PUM2: variants seen among roughly 807,000 people sequenced by gnomAD.
PUM2 encodes the protein pumilio RNA binding family member 2.
Under a neutral mutation model 124.5 loss-of-function variants are expected in PUM2, and 57 were observed. That is an observed-to-expected ratio of 0.46 (90% confidence interval 0.37 to 0.57). The LOEUF (loss-of-function observed/expected upper bound fraction) is 0.57. PUM2 is among the 20% of genes least tolerant of loss of function. PUM2 has a pLI of 0.00. For missense variants in PUM2, 1,065 were observed against 1,290.6 expected (o/e 0.83, Z 2.68); for synonymous variants, 460 against 446.1 (o/e 1.03, Z -0.39).
At chr2:20,274,016 A>G (rs1365748672) in intron 13 of PUM2, among the ~76,000 whole-genome samples, 1 of 152,174 alleles carries the variant, frequency 6.6e-6, no homozygotes, top group East Asian at 1.9e-4. Flanking sequence ...TTCAGTTCCT[A>G]TAGAATAGCA....
At chr2:20,320,281 A>G (rs1303170255) in intron 2 of PUM2, among the ~76,000 whole-genome samples, 1 of 152,154 alleles carries the variant, frequency 6.6e-6, no homozygotes, top group Non-Finnish European at 1.5e-5. Flanking sequence ...AAAAGAGGGT[A>G]CTAGCAGAGA....
chr2:20,329,294 C>T (rs1050177074), intron 1 of PUM2, among the ~76,000 whole-genome samples: 3 of 150,642 alleles, frequency 2.0e-5, no homozygotes, highest in Admixed American at 6.6e-5. Context: ...TAGCCTGTTT[C>T]GGTAGGGCAT....
intron 14 of PUM2, among the ~76,000 whole-genome samples, chr2:20,260,883 A>G (rs1167643662): frequency 6.6e-6 from 1 of 152,172 alleles, no homozygotes; most frequent in East Asian, 1.9e-4. Flanking sequence ...TCTGGGTGAC[A>G]CAAGGCTCAT....
At chr2:20,338,700 C>A (rs1038230061) in intron 1 of PUM2, among the ~76,000 whole-genome samples, 1 of 152,020 alleles carries the variant, frequency 6.6e-6, no homozygotes, top group East Asian at 1.9e-4. Context: ...TGAGGGAAGT[C>A]AAAGGAATAC....
chr2:20,316,484 A>G (rs984266788), intron 3 of PUM2, among the ~76,000 whole-genome samples: 2 of 151,916 alleles, frequency 1.3e-5, no homozygotes, highest in African/African-American at 4.8e-5. Flanking sequence ...GAGCTTAAGC[A>G]AACTGTATTA....
chr2:20,333,226 A>C lies in PUM2; in HGVS notation c.-18-5848T>G, dbSNP rs149754508. On this transcript the variant is annotated intron_variant, in intron 1 of 20. Coordinates refer to ENST00000361078, the MANE Select transcript of PUM2 (RefSeq NM_015317.5). ...TAGCTCAGTGATAGTTTTCCTATTT[A>C]CTAGTGCATAATCCAAAATGTCAAC... 2.6e-5 allele frequency among the ~76,000 whole-genome samples: 4 copies of C among 152,330 alleles called. No homozygotes were observed. In the East Asian group the frequency reaches 7.7e-4, roughly 29 times the overall value.
intron 14 of PUM2, among the ~76,000 whole-genome samples, chr2:20,262,798 C>T (rs1390099628): frequency 6.6e-6 from 1 of 152,134 alleles, no homozygotes; most frequent in Non-Finnish European, 1.5e-5. Flanking sequence ...TGAAATGTTT[C>T]AGTCTAAGCC....
intron 1 of PUM2, among the ~76,000 whole-genome samples, chr2:20,335,369 G>T (rs936890965): frequency 1.3e-5 from 2 of 152,126 alleles, no homozygotes; most frequent in Non-Finnish European, 1.5e-5. Flanking sequence ...TTTTTGTTTA[G>T]CAATGCTTTT....
intron 2 of PUM2, among the ~76,000 whole-genome samples, chr2:20,319,450 T>C (rs912965669): frequency 2.0e-5 from 3 of 152,226 alleles, no homozygotes; most frequent in African/African-American, 7.2e-5. Flanking sequence ...AACTCTTAAG[T>C]AGGTGTCCAG....
At chr2:20,299,400 C>T (rs1676418988) in intron 7 of PUM2, among the ~76,000 whole-genome samples, 1 of 152,082 alleles carries the variant, frequency 6.6e-6, no homozygotes, top group African/African-American at 2.4e-5. Flanking sequence ...CATGGTGGCT[C>T]ATGCCTGTGA....
chr2:20,258,324 A>C lies in PUM2; in HGVS notation c.2403T>G (p.Gly801=). ...TCTGCAAGGCTAAGGGTAGAACATG[A>C]CCACGAATACGAGTAGCCAGGGCTA... is the stretch of plus-strand genomic sequence containing the variant. ...QKLALATRIR[G]HVLPLALQMY... Residue 801 remains glycine, a synonymous_variant, in exon 16 of 21, where the codon GGT becomes GGG. Coordinates refer to ENST00000361078, the MANE Select transcript of PUM2 (RefSeq NM_015317.5). 1.2e-6 allele frequency: 2 copies of C among 1,612,430 alleles called. No individual in the cohort carries two copies. Among genetic ancestry groups the C allele is most frequent in the Non-Finnish European group, 1.7e-6 (2 of 1,178,800 alleles).
intron 10 of PUM2, among the ~76,000 whole-genome samples, chr2:20,287,750 T>C (rs1442731028): frequency 3.9e-5 from 6 of 152,158 alleles, no homozygotes; most frequent in Non-Finnish European, 2.9e-5. Flanking sequence ...GACAGAATGG[T>C]AGAGAATTGG....
In PUM2 at chr2:20,263,376, C is replaced by A; in HGVS notation, c.2042G>T (p.Ser681Ile). ...AKYRSASSTSSLFSSSSQLFP... is the reference protein window; with the variant it reads ...AKYRSASSTSILFSSSSQLFP... Reference sequence around the variant, plus strand: ...GAGCTGGCTGCTGGAGCTAAATAGACTGGAAGTGCTTGAAGCACTTCGATA... The same window carrying A: ...GAGCTGGCTGCTGGAGCTAAATAGAATGGAAGTGCTTGAAGCACTTCGATA... The change falls in exon 14 of 21, where the codon AGT becomes ATT. Residue 681 changes from serine to isoleucine, a missense_variant. By Grantham distance (142) the Ser-to-Ile change is moderately radical (BLOSUM62 -2). Transcript: ENST00000361078. 1 of 1,614,070 alleles carries A rather than the reference C, an allele frequency of 6.2e-7. No individual in the cohort carries two copies. The highest frequency in any genetic ancestry group is 8.5e-7 in the Non-Finnish European group (1 of 1,179,916).
At chr2:20,312,872 T>C (rs984799440) in intron 3 of PUM2, among the ~76,000 whole-genome samples, 8 of 152,050 alleles carry the variant, frequency 5.3e-5, no homozygotes, top group Non-Finnish European at 1.2e-4. Context: ...AAAACAGATA[T>C]ATAGATCAAC....
intron 10 of PUM2, among the ~76,000 whole-genome samples, chr2:20,288,770 T>A (rs1378961474): frequency 6.6e-6 from 1 of 152,172 alleles, no homozygotes; most frequent in African/African-American, 2.4e-5. Context: ...ATGTAACTAT[T>A]TGGATATGGA....
chr2:20,263,354 C>T lies in PUM2; in HGVS notation c.2064G>A (p.Gln688=), dbSNP rs1341440393. ...STSSLFSSSS[Q]LFPPSRLRYN... Reference sequence around the variant, plus strand: ...ACCGAAGCCGGGAAGGAGGAAAGAGCTGGCTGCTGGAGCTAAATAGACTGG... The same window carrying T: ...ACCGAAGCCGGGAAGGAGGAAAGAGTTGGCTGCTGGAGCTAAATAGACTGG... The change falls in exon 14 of 21, where the codon CAG becomes CAA. Residue 688 remains glutamine (Q), a synonymous_variant. Transcript: ENST00000361078. 6.2e-7 allele frequency: 1 copy of T among 1,614,208 alleles called. No individual in the cohort carries two copies.
chr2:20,257,835 T>TA lies in PUM2; in HGVS notation c.2484+407dup, dbSNP rs756664262. Among the ~76,000 whole-genome samples the TA allele has an allele frequency of 3.0e-4, 46 of 151,980 alleles. 1 individual carries two copies. Among genetic ancestry groups the TA allele is most frequent in the East Asian group, 7.7e-4 (4 of 5,196 alleles). On this transcript the variant is annotated intron_variant, in intron 16 of 20. Transcript: ENST00000361078. Reference sequence around the variant, plus strand: ...TTACTTTTCTGCTGGGCTATATTTTTAAAAAAAACATTTTCATATATGTAA... The same window carrying TA: ...TTACTTTTCTGCTGGGCTATATTTTTAAAAAAAAACATTTTCATATATGTAA...
intron 1 of PUM2, among the ~76,000 whole-genome samples, chr2:20,343,645 T>C (rs1687654098): frequency 6.6e-6 from 1 of 152,186 alleles, no homozygotes; most frequent in South Asian, 2.1e-4. Context: ...CTTGGACCTA[T>C]AATCCCAGCA....
At chr2:20,279,564 G>T (rs1206895735) in intron 12 of PUM2, among the ~76,000 whole-genome samples, 2 of 152,156 alleles carry the variant, frequency 1.3e-5, no homozygotes, top group Non-Finnish European at 2.9e-5. Flanking sequence ...ACTCAAGGCT[G>T]ATCAGGTTTT....
Sources: gnomAD v4.1 joint callset for allele counts (sites outside exome capture counted in the v4.1 genomes callset) on GRCh38, gnomAD v4.1.1 for gene constraint, MANE v1.5 for transcripts, NCBI Gene and HGNC (gene_info 2026-07-23, HGNC 2026-07-21) for gene names.